Variants in CCDC171 observed in about 807,000 individuals in gnomAD.
CCDC171 encodes coiled-coil domain-containing protein 171.
Under a neutral mutation model 168.2 loss-of-function variants are expected in CCDC171, and 177 were observed. The ratio of observed to expected loss-of-function variants is 1.05; its 90% CI spans 0.93 to 1.19. The LOEUF (loss-of-function observed/expected upper bound fraction) is 1.19, where lower values mean the gene tolerates loss of function less well. Ranked by LOEUF, CCDC171 falls within the 50% of genes most tolerant of loss-of-function variation. CCDC171 has a pLI of 0.00. For synonymous variants in CCDC171, 687 were observed against 540.8 expected, an observed-to-expected ratio of 1.27 and a Z score of -3.75; for missense variants, 1,991 against 1,539.0, an observed-to-expected ratio of 1.29 and a Z score of -4.91.
At position 15,817,983 on chromosome 9, in the gene CCDC171, C is replaced by A. The variant is rs1264250048; in HGVS notation, c.3268-28719C>A. ...TGACACCTCACACGGCCGGGTACTC[C>A]TCTGAGACAAAACTTCCAGAGGAAC... is the stretch of plus-strand genomic sequence containing the variant. On this transcript the variant is annotated intron_variant, in intron 21 of 25. Transcript: ENST00000380701. 4.3e-5 allele frequency among the ~76,000 whole-genome samples: 5 copies of A among 117,102 alleles called. 1 individual carries two copies. The highest frequency in any genetic ancestry group is 1.6e-4 in the African/African-American group (5 of 31,222). The allele number at this position is 117,102 out of a possible 152,430, so 76.8% of individuals were successfully genotyped here. A position where few individuals can be genotyped will look rare whatever the true frequency, so the allele number is the denominator to read the frequency against.
chr9:15,869,883 C>G (rs1053770409), intron 23 of CCDC171, among the ~76,000 whole-genome samples: 1 of 151,622 alleles, frequency 6.6e-6, no homozygotes, highest in Non-Finnish European at 1.5e-5. Flanking sequence ...TGTAGATTCT[C>G]TGGTGAGAGA....
At chr9:15,687,268 A>C (rs2050461862) in intron 10 of CCDC171, among the ~76,000 whole-genome samples, 3 of 152,208 alleles carry the variant, frequency 2.0e-5, no homozygotes, top group Admixed American at 6.5e-5. Flanking sequence ...TATGCTTAAG[A>C]GGGAAACTTA....
chr9:15,894,089 T>C (rs547371218), intron 24 of CCDC171, among the ~76,000 whole-genome samples: 20 of 152,282 alleles, frequency 1.3e-4, no homozygotes, highest in Middle Eastern at 6.8e-3. Context: ...TGGAATACTG[T>C]GCAGTCGTAA....
At chr9:15,947,634 G>A (rs746116588) in intron 25 of CCDC171, among the ~76,000 whole-genome samples, 13 of 151,770 alleles carry the variant, frequency 8.6e-5, no homozygotes, top group Non-Finnish European at 1.9e-4. Flanking sequence ...TTACTTCCTT[G>A]TTTTAGCAAT....
intron 21 of CCDC171, among the ~76,000 whole-genome samples, chr9:15,843,945 A>G (rs972447287): frequency 2.3e-4 from 35 of 152,272 alleles, no homozygotes; most frequent in African/African-American, 8.4e-4. Context: ...CTCAGCCTCC[A>G]ACAACTTAAT....
intron 15 of CCDC171, 50 bp downstream of exon 15, chr9:15,728,086 T>C (rs1160242444): frequency 2.8e-6 from 4 of 1,428,892 alleles, no homozygotes; most frequent in Non-Finnish European, 3.9e-6. Context: ...GTGACATTTG[T>C]CCACATCACA....
intron 18 of CCDC171, among the ~76,000 whole-genome samples, chr9:15,753,223 G>T (rs1046057883): frequency 1.3e-5 from 2 of 152,178 alleles, no homozygotes; most frequent in East Asian, 3.9e-4. Flanking sequence ...ATGAGTATAG[G>T]GAAGACTTCA....
At chr9:15,958,853 A>G (rs562575526) in intron 25 of CCDC171, among the ~76,000 whole-genome samples, 6 of 152,254 alleles carry the variant, frequency 3.9e-5, no homozygotes, top group Admixed American at 6.5e-5. Context: ...CACAGACCAA[A>G]TTAGTATACC....
At chr9:16,108,035 G>A in the CCDC171 span, among the ~76,000 whole-genome samples, 1 of 152,200 alleles carries the variant, frequency 6.6e-6, no homozygotes, top group South Asian at 2.1e-4. Flanking sequence ...GCAAGTGAAT[G>A]GAAAGTTCAG....
At chr9:16,071,379 G>A in the CCDC171 span, among the ~76,000 whole-genome samples, 4 of 152,284 alleles carry the variant, frequency 2.6e-5, no homozygotes, top group East Asian at 7.7e-4. Context: ...GTCCACTGCT[G>A]ATCTGTGTCT....
At chr9:15,641,194 T>C (rs2046575585) in intron 7 of CCDC171, among the ~76,000 whole-genome samples, 2 of 152,148 alleles carry the variant, frequency 1.3e-5, no homozygotes, top group African/African-American at 4.8e-5. Context: ...ATACAAGTTA[T>C]TGATACGTTT....
At chr9:15,661,511 G>A (rs573543854) in intron 8 of CCDC171, among the ~76,000 whole-genome samples, 35 of 152,078 alleles carry the variant, frequency 2.3e-4, no homozygotes, top group African/African-American at 7.7e-4. Context: ...CTTAGAAAAA[G>A]TGAAAAGTTT....
chr9:16,030,581 A>G (rs1445564837), intron 6 of CCDC171, among the ~76,000 whole-genome samples: 1 of 152,228 alleles, frequency 6.6e-6, no homozygotes, highest in Non-Finnish European at 1.5e-5. Context: ...TGTGTATGGT[A>G]TGTTAAGGAC....
chr9:16,099,073 C>T, the CCDC171 span, among the ~76,000 whole-genome samples: 7 of 152,112 alleles, frequency 4.6e-5, no homozygotes, highest in South Asian at 1.3e-3. Context: ...ATATCAAATC[C>T]AGTTGATTCC....
chr9:16,072,023 G>A, the CCDC171 span, among the ~76,000 whole-genome samples: 1 of 152,186 alleles, frequency 6.6e-6, no homozygotes, highest in African/African-American at 2.4e-5. Context: ...CATCTTGCTG[G>A]AATATTAATT....
At chr9:15,960,291 A>C (rs73411562) in intron 25 of CCDC171, among the ~76,000 whole-genome samples, 1 of 152,148 alleles carries the variant, frequency 6.6e-6, no homozygotes, top group Non-Finnish European at 1.5e-5. Context: ...AAAACAGGGA[A>C]TTTTTATTTG....
intron 7 of CCDC171, among the ~76,000 whole-genome samples, chr9:15,651,932 G>A (rs149135067): frequency 6.6e-6 from 1 of 152,026 alleles, no homozygotes; most frequent in Non-Finnish European, 1.5e-5. Flanking sequence ...TTTTGAGACA[G>A]GGTCTTGCTG....
chr9:16,035,412 T>G (rs1259157581), intron 6 of CCDC171: 1 of 152,168 alleles, frequency 6.6e-6, no homozygotes, highest in Non-Finnish European at 1.5e-5. Flanking sequence ...GGGTGTGCTT[T>G]CTCTTAATTT....
chr9:15,834,028 T>G (rs561227136), intron 21 of CCDC171, among the ~76,000 whole-genome samples: 1 of 152,170 alleles, frequency 6.6e-6, no homozygotes, highest in Non-Finnish European at 1.5e-5. Context: ...TAATTACAGA[T>G]ATTCCAAGGT....
Sources: allele counts gnomAD v4.1 joint callset (sites outside exome capture counted in the v4.1 genomes callset), GRCh38; gene constraint gnomAD v4.1.1; transcripts MANE v1.5; gene names NCBI Gene and HGNC (gene_info 2026-07-23, HGNC 2026-07-21).